GRIK1: variants seen among roughly 807,000 people sequenced by gnomAD.
GRIK1 encodes glutamate receptor ionotropic, kainate 1.
GRIK1 carries 69 observed loss-of-function variants against 105.7 expected under a neutral mutation model. The observed-to-expected ratio is 0.65, with a 90% CI of 0.54 to 0.80. The LOEUF (loss-of-function observed/expected upper bound fraction) is 0.80, where lower values mean the gene tolerates loss of function less well. Ranked by LOEUF, GRIK1 falls within the 30% of genes least tolerant of loss-of-function variation. GRIK1 has a pLI of 0.00. For missense variants in GRIK1, 1,109 were observed against 1,167.3 expected, an observed-to-expected ratio of 0.95 and a Z score of 0.73; for synonymous variants, 438 against 431.3, an observed-to-expected ratio of 1.02 and a Z score of -0.19.
In GRIK1 at chr21:29,589,030, CAT is replaced by C. The variant is rs745970395; in HGVS notation, c.1376_1377del (p.Tyr459CysfsTer7). 1 of 1,580,426 alleles carries C rather than the reference CAT, an allele frequency of 6.3e-7. No homozygotes were observed. Among genetic ancestry groups the C allele is most frequent in the African/African-American group, 1.3e-5 (1 of 74,226 alleles). The stretch of plus-strand genomic sequence containing the variant: ...GGCTTATCAGATTTCCTGTACATAA[CAT>C]AGGGTTCTTCCTAAATGAAACAAAC... ...LIVTTILEEP[Y>X]VMYRKSDKPL... On this transcript the variant is annotated frameshift_variant, in exon 11 of 18. Transcript: ENST00000327783. LOFTEE classifies it high-confidence loss of function.
At chr21:29,824,355 G>T (rs965854906) in intron 1 of GRIK1, among the ~76,000 whole-genome samples, 1 of 151,842 alleles carries the variant, frequency 6.6e-6, no homozygotes, top group Non-Finnish European at 1.5e-5. Context: ...ACATTCAGGG[G>T]TTATCATAGT....
At chr21:29,873,256 A>C (rs968057571) in intron 1 of GRIK1, among the ~76,000 whole-genome samples, 17 of 152,212 alleles carry the variant, frequency 1.1e-4, no homozygotes, top group Admixed American at 3.3e-4. Context: ...TAATTAGTTT[A>C]AATAGCATTC....
intron 1 of GRIK1, among the ~76,000 whole-genome samples, chr21:29,881,522 G>A (rs1191066023): frequency 6.6e-6 from 1 of 152,076 alleles, no homozygotes; most frequent in Admixed American, 6.6e-5. Context: ...TCTAACACAT[G>A]TATCTGGAAC....
chr21:29,780,411 A>G (rs1427921093), intron 1 of GRIK1, among the ~76,000 whole-genome samples: 2 of 152,218 alleles, frequency 1.3e-5, no homozygotes, highest in Non-Finnish European at 2.9e-5. Flanking sequence ...AATTCAGTGC[A>G]TGAGACAGTT....
intron 4 of GRIK1, among the ~76,000 whole-genome samples, 176 bp from the exon 5 acceptor site, chr21:29,655,039 C>G (rs1186239054): frequency 6.6e-6 from 1 of 152,246 alleles, no homozygotes; most frequent in African/African-American, 2.4e-5. Context: ...AGCAAGCCAA[C>G]TGACCTCCAG....
intron 1 of GRIK1, among the ~76,000 whole-genome samples, chr21:29,783,063 C>A (rs1054550369): frequency 4.6e-5 from 7 of 152,170 alleles, no homozygotes; most frequent in Admixed American, 4.6e-4. Flanking sequence ...TTAAAGTATC[C>A]ATTTCTTCCC....
intron 1 of GRIK1, among the ~76,000 whole-genome samples, chr21:29,927,319 G>A (rs1225879030): frequency 6.6e-6 from 1 of 150,478 alleles, no homozygotes; most frequent in Non-Finnish European, 1.5e-5. Flanking sequence ...TGATATATAT[G>A]TAATATATAA....
intron 12 of GRIK1, among the ~76,000 whole-genome samples, chr21:29,585,979 A>G (rs558199812): frequency 6.6e-6 from 1 of 152,354 alleles, no homozygotes; most frequent in East Asian, 1.9e-4. Flanking sequence ...GACTCCGTCC[A>G]CTTGATACCA....
At chr21:29,827,803 A>G (rs1180256620) in intron 1 of GRIK1, among the ~76,000 whole-genome samples, 1 of 151,992 alleles carries the variant, frequency 6.6e-6, no homozygotes, top group African/African-American at 2.4e-5. Flanking sequence ...ACAAAAAACT[A>G]TTTTGTTTGC....
chr21:29,796,135 A>C (rs1380718492), intron 1 of GRIK1, among the ~76,000 whole-genome samples: 1 of 152,230 alleles, frequency 6.6e-6, no homozygotes, highest in Non-Finnish European at 1.5e-5. Context: ...ATTTATTAAG[A>C]AAGTTTATGA....
chr21:29,692,481 C>G (rs780620598), intron 2 of GRIK1, among the ~76,000 whole-genome samples: 1 of 152,114 alleles, frequency 6.6e-6, no homozygotes, highest in East Asian at 1.9e-4. Flanking sequence ...ACAATTTTGA[C>G]CCATATGATA....
At chr21:29,894,039 G>C (rs1011666413) in intron 1 of GRIK1, among the ~76,000 whole-genome samples, 1 of 152,116 alleles carries the variant, frequency 6.6e-6, no homozygotes, top group Non-Finnish European at 1.5e-5. Flanking sequence ...GTTTTGTACC[G>C]CTGGTTGTAG....
chr21:29,630,890 C>T (rs2062253816), intron 7 of GRIK1: 1 of 303,616 alleles, frequency 3.3e-6, no homozygotes, highest in Admixed American at 4.6e-5. Context: ...ACCTCTGCCT[C>T]CCGGGTTCAA....
chr21:29,553,562 G>A, intron 16 of GRIK1: 1 of 1,575,154 alleles, frequency 6.3e-7, no homozygotes, highest in African/African-American at 1.4e-5. Flanking sequence ...TGATTACACA[G>A]TATGAACTGA....
chr21:29,679,004 A>G (rs1192939048), intron 3 of GRIK1, among the ~76,000 whole-genome samples: 1 of 152,192 alleles, frequency 6.6e-6, no homozygotes, highest in Admixed American at 6.5e-5. Flanking sequence ...GTTTTTAAAA[A>G]CTAAGTCATT....
chr21:29,901,031 A>C (rs1298585718), intron 1 of GRIK1, among the ~76,000 whole-genome samples: 2 of 152,206 alleles, frequency 1.3e-5, no homozygotes, highest in African/African-American at 4.8e-5. Context: ...CCTGCTCCTG[A>C]ATGACTACTG....
intron 1 of GRIK1, among the ~76,000 whole-genome samples, chr21:29,921,254 T>C (rs1889508129): frequency 2.0e-5 from 3 of 152,126 alleles, no homozygotes; most frequent in Non-Finnish European, 2.9e-5. Flanking sequence ...CTAGAGGAGT[T>C]CCTTGACAGA....
intron 1 of GRIK1, among the ~76,000 whole-genome samples, chr21:29,731,964 CA>C (rs2064637591): frequency 6.6e-6 from 1 of 152,144 alleles, no homozygotes; most frequent in Non-Finnish European, 1.5e-5. Flanking sequence ...TCTTTTCAAA[CA>C]GATGTCTTCT....
chr21:29,903,913 G>A (rs1306186445), intron 1 of GRIK1, among the ~76,000 whole-genome samples: 1 of 152,162 alleles, frequency 6.6e-6, no homozygotes, highest in Non-Finnish European at 1.5e-5. Flanking sequence ...AGAAAATGTG[G>A]CACATATACA....
Sources: gnomAD v4.1 joint callset for allele counts (sites outside exome capture counted in the v4.1 genomes callset) on GRCh38, gnomAD v4.1.1 for gene constraint, MANE v1.5 for transcripts, NCBI Gene and HGNC (gene_info 2026-07-23, HGNC 2026-07-21) for gene names.